Variants in TAF1B observed in about 807,000 individuals in gnomAD.
The protein encoded by TAF1B is TATA-box binding protein associated factor, RNA polymerase I subunit B, also known as TATA box-binding protein-associated factor RNA polymerase I subunit B.
Under a neutral mutation model 83.9 loss-of-function variants are expected in TAF1B, and 61 were observed. That is an observed-to-expected ratio of 0.73 (90% confidence interval 0.59 to 0.90). The LOEUF (loss-of-function observed/expected upper bound fraction) is 0.90, where lower values mean the gene tolerates loss of function less well. Ranked by LOEUF, TAF1B falls within the 40% of genes least tolerant of loss-of-function variation. TAF1B has a pLI of 0.00. For missense variants in TAF1B, 625 were observed against 677.0 expected, an observed-to-expected ratio of 0.92 and a Z score of 0.85; for synonymous variants, 221 against 224.6, an observed-to-expected ratio of 0.98 and a Z score of 0.14.
chr2:9,903,244 C>A (rs1281382385), intron 8 of TAF1B, among the ~76,000 whole-genome samples: 1 of 152,068 alleles, frequency 6.6e-6, no homozygotes, highest in Admixed American at 6.6e-5. Flanking sequence ...CGCCACCATG[C>A]CCGGTTAATT....
At chr2:9,854,457 A>G (rs1335719738) in intron 5 of TAF1B, 36 bp downstream of exon 5, 1 of 1,499,760 alleles carries the variant, frequency 6.7e-7, no homozygotes, top group Non-Finnish European at 9.3e-7. Flanking sequence ...ATTAAAAAAC[A>G]TGTCTGTTGA....
At chr2:9,922,195 G>A (rs929034679) in intron 14 of TAF1B, among the ~76,000 whole-genome samples, 1 of 152,190 alleles carries the variant, frequency 6.6e-6, no homozygotes, top group Non-Finnish European at 1.5e-5. Flanking sequence ...CAGCTGTGCT[G>A]ACCCAGTTGT....
intron 14 of TAF1B, among the ~76,000 whole-genome samples, chr2:9,932,365 T>A (rs529740517): frequency 6.6e-6 from 1 of 152,370 alleles, no homozygotes; most frequent in East Asian, 1.9e-4. Context: ...GTGGATGTCC[T>A]TTTTGTTGAT....
In TAF1B at chr2:9,872,097, G is replaced by A. The variant is rs138562432; in HGVS notation, c.553+3668G>A. On this transcript the variant is annotated intron_variant, in intron 6 of 14. Transcript: ENST00000263663. ...AATCCCAGCACTTTGGGAGGCCGAC[G>A]CAGGCGGATCACGAGGGCAGGAGAT... Among the ~76,000 whole-genome samples the A allele has an allele frequency of 6.6e-3, 1,003 of 152,226 alleles. 17 individuals are homozygous for A. Among genetic ancestry groups the A allele is most frequent in the African/African-American group, 0.022 (912 of 41,526 alleles).
rs1341664860 is a variant in TAF1B, at chr2:9,934,379, A to T, written c.*395A>T. ...TCATATGTAAAAATATAAAAGTATT[A>T]GTAGAAAACAAATATGAATGCTTTG... On this transcript the variant is annotated 3_prime_UTR_variant, in exon 15 of 15. Transcript: ENST00000263663. The T allele has an allele frequency of 6.3e-6, 1 of 158,072 alleles. No individual in the cohort carries two copies. Among genetic ancestry groups the T allele is most frequent in the East Asian group, 1.8e-4 (1 of 5,452 alleles). 9.8% of individuals were successfully genotyped at this position (158,072 alleles called of 1,614,324 possible).
At chr2:9,850,031 G>A (rs71437679) in intron 3 of TAF1B, among the ~76,000 whole-genome samples, 268 of 43,572 alleles carry the variant, frequency 6.2e-3, no homozygotes, top group African/African-American at 0.018. Flanking sequence ...ATATATATGT[G>A]TGTGTGTGTG....
intron 8 of TAF1B, among the ~76,000 whole-genome samples, chr2:9,894,516 T>G (rs990255773): frequency 1.8e-4 from 28 of 152,344 alleles, no homozygotes; most frequent in Non-Finnish European, 2.9e-4. Context: ...TAGCAGTTCA[T>G]ATTCTTACCA....
At chr2:9,850,822 T>G (rs922323595) in intron 3 of TAF1B, among the ~76,000 whole-genome samples, 1 of 152,186 alleles carries the variant, frequency 6.6e-6, no homozygotes, top group African/African-American at 2.4e-5. Flanking sequence ...CACAATCTCT[T>G]AGGGTAGTTT....
At chr2:9,919,531 A>C in intron 13 of TAF1B, 67 bp from the exon 14 acceptor site, 1 of 1,407,336 alleles carries the variant, frequency 7.1e-7, no homozygotes, top group Non-Finnish European at 1.0e-6. Flanking sequence ...CTATCAAGTA[A>C]ATTCCAGGCT....
chr2:9,907,949 C>A (rs1665397709), intron 9 of TAF1B, among the ~76,000 whole-genome samples: 1 of 150,652 alleles, frequency 6.6e-6, no homozygotes, highest in Non-Finnish European at 1.5e-5. Flanking sequence ...TTCTTGCTAC[C>A]ATTCTCATCA....
chr2:9,902,323 C>T (rs1361911619), intron 8 of TAF1B, among the ~76,000 whole-genome samples: 2 of 151,350 alleles, frequency 1.3e-5, no homozygotes, highest in Non-Finnish European at 2.9e-5. Context: ...ATTTTCATAA[C>T]CTGAACACAG....
chr2:9,916,837 C>CTTTTTTTTTTTTTTTTTTTTTTT lies in TAF1B; in HGVS notation c.1272-2186_1272-2185insTTTTTTTTTTTTTTTTTTTTTTT, dbSNP rs371475463. Among the ~76,000 whole-genome samples, 7 of 95,736 alleles carry CTTTTTTTTTTTTTTTTTTTTTTT rather than the reference C, an allele frequency of 7.3e-5. No individual in the cohort carries two copies. In the East Asian group the frequency reaches 8.4e-4, roughly 12 times the overall value. 62.8% of individuals were successfully genotyped at this position (95,736 alleles called of 152,430 possible). ...TGATTAGAAAAATTTCCTTTCTGTT[C>CTTTTTTTTTTTTTTTTTTTTTTT]TTTTTTTTTTTTTTTTTTGAGATGG... On this transcript the variant is annotated intron_variant, in intron 12 of 14. Transcript: ENST00000263663.
chr2:9,882,612 C>T, intron 7 of TAF1B, 94 bp from the exon 8 acceptor site: 1 of 674,754 alleles, frequency 1.5e-6, no homozygotes, highest in Non-Finnish European at 2.3e-6. Flanking sequence ...CTAATTCTTA[C>T]CTTGTCTTTG....
At chr2:9,915,568 A>C (rs1358477666) in intron 12 of TAF1B, among the ~76,000 whole-genome samples, 1 of 152,236 alleles carries the variant, frequency 6.6e-6, no homozygotes, top group African/African-American at 2.4e-5. Flanking sequence ...GCAAATTAAA[A>C]CGACAATGAC....
chr2:9,895,367 G>A (rs768610993), intron 8 of TAF1B, among the ~76,000 whole-genome samples: 17 of 152,290 alleles, frequency 1.1e-4, no homozygotes, highest in African/African-American at 3.9e-4. Context: ...CGGGCGTGGC[G>A]GCACCTGCCT....
At chr2:9,885,603 T>C (rs1664649768) in intron 8 of TAF1B, among the ~76,000 whole-genome samples, 2 of 152,342 alleles carry the variant, frequency 1.3e-5, no homozygotes, top group Non-Finnish European at 2.9e-5. Flanking sequence ...ATTCTAGGTG[T>C]GAATCTTTAT....
Position 9,910,825 on chromosome 2 carries a change from G to A in TAF1B, c.1045G>A (p.Ala349Thr). Reference sequence around the variant, plus strand: ...GACATTTGATCCTATAGCTAAAATGGCAAAAACTGTTAAGTACGATGTACA... The same window carrying A: ...GACATTTGATCCTATAGCTAAAATGACAAAAACTGTTAAGTACGATGTACA... ...FLTFDPIAKM[A>T]KTVKYDVQAV... is the part of the protein sequence containing the mutation. The change falls in exon 10 of 15, where the codon GCA becomes ACA. Residue 349 changes from alanine to threonine, a missense_variant. Physicochemically the swap from Ala to Thr is moderately conservative, Grantham distance 58. Transcript: ENST00000263663. The A allele has an allele frequency of 6.2e-7, 1 of 1,613,640 alleles. No individual in the cohort carries two copies. The highest frequency in any genetic ancestry group is 1.3e-5 in the African/African-American group (1 of 75,032).
chr2:9,933,806 A>T lies in TAF1B; in HGVS notation c.1589A>T (p.Tyr530Phe). 6.2e-7 allele frequency: 1 copy of T among 1,613,334 alleles called. No individual in the cohort carries two copies. The highest frequency in any genetic ancestry group is 8.5e-7 in the Non-Finnish European group (1 of 1,179,686). Residue 530 changes from tyrosine (Y) to phenylalanine (F), a missense_variant, in exon 15 of 15, where the codon TAT becomes TTT. Physicochemically the swap from Tyr to Phe is conservative, Grantham distance 22. Transcript: ENST00000263663. ...AGCTATTGTACACATGTGACAACCT[A>T]TGAAGAATCAAATTATTCTCTGAGT... ...CRCYCTHVTTYEESNYSLSYQ... is the reference protein window; with the variant it reads ...CRCYCTHVTTFEESNYSLSYQ...
intron 13 of TAF1B, 46 bp downstream of exon 13, chr2:9,919,157 T>C: frequency 1.3e-6 from 2 of 1,493,400 alleles, no homozygotes; most frequent in Non-Finnish European, 9.3e-7. Flanking sequence ...AACACAGTTG[T>C]AGAAAAATTA....
Sources: gnomAD v4.1 joint callset for allele counts (sites outside exome capture counted in the v4.1 genomes callset) on GRCh38, gnomAD v4.1.1 for gene constraint, MANE v1.5 for transcripts, NCBI Gene and HGNC (gene_info 2026-07-23, HGNC 2026-07-21) for gene names.